The following RAPGEF5 variants were observed in gnomAD, a reference collection of about 807,000 sequenced individuals.
RAPGEF5 encodes the protein Rap guanine nucleotide exchange factor 5, also known as M-Ras-regulated GEF.
RAPGEF5 carries 65 observed loss-of-function variants against 125.2 expected under a neutral mutation model. That is an observed-to-expected ratio of 0.52 (90% CI 0.43 to 0.64). The LOEUF (loss-of-function observed/expected upper bound fraction) is 0.64. Among genes scored for constraint, RAPGEF5 ranks in the 30% least tolerant of loss-of-function variants. The probability of loss-of-function intolerance (pLI) is 0.00; values close to 1 mark genes in which losing one functional copy is unlikely to be tolerated. For synonymous variants in RAPGEF5, 391 were observed against 385.9 expected (o/e 1.01, Z -0.16); for missense variants, 958 against 1,048.1 (o/e 0.91, Z 1.19).
intron 9 of RAPGEF5, among the ~76,000 whole-genome samples, chr7:22,213,808 TC>T (rs1439405446): frequency 6.6e-6 from 1 of 152,242 alleles, no homozygotes; most frequent in African/African-American, 2.4e-5. Context: ...GTAAGTAGTT[TC>T]TTGGTTAAAC....
chr7:22,148,714 T>C (rs1443586077), intron 18 of RAPGEF5, among the ~76,000 whole-genome samples: 1 of 152,170 alleles, frequency 6.6e-6, no homozygotes, highest in East Asian at 1.9e-4. Context: ...CCTGCCTTCT[T>C]TTCTGAAGGT....
At chr7:22,189,535 T>C (rs1194853693) in intron 11 of RAPGEF5, among the ~76,000 whole-genome samples, 2 of 152,200 alleles carry the variant, frequency 1.3e-5, no homozygotes, top group Non-Finnish European at 2.9e-5. Flanking sequence ...CTTTCTTACC[T>C]TCCTCGTAAT....
At chr7:22,153,650 G>T (rs898131513) in intron 17 of RAPGEF5, among the ~76,000 whole-genome samples, 1 of 152,168 alleles carries the variant, frequency 6.6e-6, no homozygotes, top group African/African-American at 2.4e-5. Context: ...AAACAGGAAT[G>T]CGGTTAATCT....
chr7:22,300,316 T>C (rs2128150042), intron 5 of RAPGEF5, among the ~76,000 whole-genome samples: 1 of 152,382 alleles, frequency 6.6e-6, no homozygotes, highest in East Asian at 1.9e-4. Context: ...GTTTGTTTTC[T>C]ATTTCTTGAC....
In RAPGEF5 at chr7:22,318,109, C is replaced by A; in HGVS notation, c.232-72G>T. ...TTGTACCAAAAAATGAAAACATAAG[C>A]AACAGTGGCCAGGGCAGGCCTCTGC... is the stretch of plus-strand genomic sequence containing the variant. On this transcript the variant is annotated intron_variant, in intron 1 of 25. Coordinates refer to ENST00000665637, the MANE Select transcript of RAPGEF5 (RefSeq NM_012294.5). 13 of 1,408,698 alleles carry A rather than the reference C, an allele frequency of 9.2e-6. No homozygotes were observed. The Admixed American group carries it at 1.2e-4, about 13-fold the overall frequency. The allele number at this position is 1,408,698 out of a possible 1,614,324, so 87.3% of individuals were successfully genotyped here.
rs770490027 is a variant in RAPGEF5 at position 22,154,544 on chromosome 7, C to A, written c.1697G>T (p.Ser566Ile). ...GACTTTTAGGATCTCTTGGGCTATA[C>A]TGGAAACTTTTGCCTTCACACTGAC... ...SYVSVKAKVS[S>I]IAQEILKVVA... The change falls in exon 17 of 26, where the codon AGT (serine) becomes ATT (isoleucine). Residue 566 changes from serine to isoleucine, a missense_variant. Coordinates refer to ENST00000665637, the MANE Select transcript of RAPGEF5 (RefSeq NM_012294.5). 1.2e-6 allele frequency: 2 copies of A among 1,613,784 alleles called. No individual in the cohort carries two copies. Among genetic ancestry groups the A allele is most frequent in the African/African-American group, 1.3e-5 (1 of 74,926 alleles).
chr7:22,310,593 A>G (rs985694141), intron 3 of RAPGEF5, among the ~76,000 whole-genome samples: 32 of 152,204 alleles, frequency 2.1e-4, no homozygotes, highest in Non-Finnish European at 4.6e-4. Context: ...ATAGATTTTT[A>G]TCTAGTCCTT....
chr7:22,233,482 T>C (rs951710827), intron 7 of RAPGEF5, among the ~76,000 whole-genome samples: 1 of 152,172 alleles, frequency 6.6e-6, no homozygotes, highest in Non-Finnish European at 1.5e-5. Flanking sequence ...CTTACCTTAT[T>C]ATACTAGAAC....
At chr7:22,317,675 A>G (rs1285658320) in intron 2 of RAPGEF5, among the ~76,000 whole-genome samples, 4 of 152,226 alleles carry the variant, frequency 2.6e-5, no homozygotes, top group Non-Finnish European at 5.9e-5. Flanking sequence ...AACAATAGCT[A>G]TATTATATTT....
intron 1 of RAPGEF5, among the ~76,000 whole-genome samples, chr7:22,331,719 T>C (rs1269458557): frequency 7.8e-6 from 1 of 127,548 alleles, no homozygotes; most frequent in African/African-American, 3.1e-5. Context: ...CACTCCAGCC[T>C]GGGTGATAGA....
intron 11 of RAPGEF5, among the ~76,000 whole-genome samples, chr7:22,171,459 T>G (rs1282568489): frequency 6.6e-6 from 1 of 152,240 alleles, no homozygotes; most frequent in African/African-American, 2.4e-5. Flanking sequence ...CCTAAGCATA[T>G]TAATATGCAT....
intron 5 of RAPGEF5, among the ~76,000 whole-genome samples, chr7:22,302,020 G>A (rs564456996): frequency 2.6e-5 from 4 of 152,212 alleles, no homozygotes; most frequent in South Asian, 2.1e-4. Context: ...GGCCAAACAC[G>A]GAAGCTTAAG....
At chr7:22,228,865 C>G (rs1452487867) in intron 8 of RAPGEF5, among the ~76,000 whole-genome samples, 1 of 152,094 alleles carries the variant, frequency 6.6e-6, no homozygotes, top group African/African-American at 2.4e-5. Flanking sequence ...AGTGTGGCCC[C>G]AGAGGCAGCG....
chr7:22,332,233 C>T (rs531311738), intron 1 of RAPGEF5, among the ~76,000 whole-genome samples: 32 of 152,310 alleles, frequency 2.1e-4, no homozygotes, highest in African/African-American at 7.2e-4. Flanking sequence ...AGGTTCTCTA[C>T]CAGGGCACTC....
chr7:22,298,152 G>A (rs1783108871), intron 5 of RAPGEF5, among the ~76,000 whole-genome samples: 1 of 150,680 alleles, frequency 6.6e-6, no homozygotes. Flanking sequence ...TTGTGTCTAT[G>A]CTAATGAGTC....
chr7:22,163,996 T>C (rs931270147), intron 12 of RAPGEF5, among the ~76,000 whole-genome samples: 3 of 152,198 alleles, frequency 2.0e-5, no homozygotes, highest in African/African-American at 7.2e-5. Flanking sequence ...AAAAAATCTG[T>C]TTCTATTTCT....
intron 5 of RAPGEF5, among the ~76,000 whole-genome samples, chr7:22,293,020 T>C (rs970909973): frequency 3.9e-5 from 6 of 152,246 alleles, no homozygotes; most frequent in Admixed American, 1.3e-4. Context: ...CTGTCTTTCA[T>C]TGATCTTCCA....
chr7:22,254,567 C>T (rs896074387), intron 7 of RAPGEF5, among the ~76,000 whole-genome samples: 2 of 146,408 alleles, frequency 1.4e-5, no homozygotes, highest in Admixed American at 1.4e-4. Flanking sequence ...GAGATCGCGC[C>T]ATTGCACTCC....
chr7:22,130,957 CTATT>C (rs1442141524), intron 24 of RAPGEF5, 76 bp downstream of exon 24: 11 of 1,502,582 alleles, frequency 7.3e-6, no homozygotes, highest in African/African-American at 1.4e-5. Context: ...AGTACTAAAA[CTATT>C]TATTTCCTAG....
Sources: allele counts gnomAD v4.1 joint callset (sites outside exome capture counted in the v4.1 genomes callset), GRCh38; gene constraint gnomAD v4.1.1; transcripts MANE v1.5; gene names NCBI Gene and HGNC (gene_info 2026-07-23, HGNC 2026-07-21).